The following HUNK variants were observed in gnomAD, a reference collection of about 807,000 sequenced individuals.
The protein encoded by HUNK is hormonally up-regulated neu tumor-associated kinase.
Under a neutral mutation model 61.0 loss-of-function variants are expected in HUNK, and 21 were observed. That is an observed-to-expected ratio of 0.34 (90% CI 0.24 to 0.50). HUNK has a LOEUF of 0.50. HUNK is among the 20% of genes least tolerant of loss of function. The pLI is 0.98. For synonymous variants in HUNK, 371 were observed against 386.1 expected (o/e 0.96, Z 0.46); for missense variants, 772 against 945.7 (o/e 0.82, Z 2.41).
At chr21:31,980,487 C>T (rs2053089414) in intron 7 of HUNK, among the ~76,000 whole-genome samples, 2 of 151,930 alleles carry the variant, frequency 1.3e-5, no homozygotes, top group South Asian at 4.1e-4. Flanking sequence ...AGCGATTCTC[C>T]TGCCTCAGCC....
chr21:31,892,569 G>GAAA (rs10562491), intron 1 of HUNK, among the ~76,000 whole-genome samples: 1 of 103,066 alleles, frequency 9.7e-6, no homozygotes, highest in Non-Finnish European at 1.9e-5. Flanking sequence ...GACTCTCTCT[G>GAAA]AAAAAAAAAA....
At chr21:31,981,416 CA>C (rs1261077354) in intron 7 of HUNK, among the ~76,000 whole-genome samples, 1 of 150,392 alleles carries the variant, frequency 6.6e-6, no homozygotes, top group African/African-American at 2.5e-5. Flanking sequence ...GGAATTTTGA[CA>C]GGGATTCCAT....
chr21:32,004,027 T>C lies in HUNK; in HGVS notation c.*4843T>C, dbSNP rs1255619224. 3 of 152,232 alleles carry C rather than the reference T, an allele frequency of 2.0e-5. No homozygotes were observed. The allele number at this position is 152,232 out of a possible 1,614,324, so 9.4% of individuals were successfully genotyped here. A position where few individuals can be genotyped will look rare whatever the true frequency, so the allele number is the denominator to read the frequency against. On this transcript the variant is annotated 3_prime_UTR_variant, in exon 11 of 11. Transcript: ENST00000270112. ...CTTAAAGATGGCACAGGAAGCTGTA[T>C]CATTTACAGGTGAAAAAAATAAATG...
chr21:31,902,065 C>G (rs2052471850), intron 1 of HUNK, among the ~76,000 whole-genome samples: 1 of 152,194 alleles, frequency 6.6e-6, no homozygotes, highest in South Asian at 2.1e-4. Context: ...AAACCTCCAA[C>G]TGGGACTAGT....
intron 9 of HUNK, among the ~76,000 whole-genome samples, chr21:31,995,407 C>T (rs1259467665): frequency 6.6e-6 from 1 of 152,210 alleles, no homozygotes; most frequent in African/African-American, 2.4e-5. Context: ...ATTGCAGGCA[C>T]AATCTTTAAA....
At position 31,974,677 on chromosome 21, in the gene HUNK, A is replaced by G; in HGVS notation, c.1133A>G (p.Tyr378Cys). Residue 378 changes from tyrosine to cysteine, a missense_variant, in exon 7 of 11, where the codon TAC becomes TGC. Tyr to Cys is a radical substitution (Grantham distance 194). This residue lies in a region of HUNK where 413 missense variants were observed against 444.4 expected (regional missense o/e 0.93). Transcript: ENST00000270112. ...SNRACHILAI[Y>C]FLLNKKLERY... ...CGCGCCTGCCACATCCTGGCCATCTACTTCCTCTTAAACAAGAAACTGGAG... is the reference window on the plus strand; with the variant it reads ...CGCGCCTGCCACATCCTGGCCATCTGCTTCCTCTTAAACAAGAAACTGGAG... The G allele has an allele frequency of 6.2e-7, 1 of 1,613,896 alleles. No homozygotes were observed.
chr21:31,999,409 A>T lies in HUNK; in HGVS notation c.*225A>T. Reference sequence around the variant, plus strand: ...GCTCCAGGGGCAGCCAATTCCTATCATTCAGATCTTCCTTCCTCCCAAGTA... The same window carrying T: ...GCTCCAGGGGCAGCCAATTCCTATCTTTCAGATCTTCCTTCCTCCCAAGTA... On this transcript the variant is annotated 3_prime_UTR_variant, in exon 11 of 11. Coordinates refer to ENST00000270112, the MANE Select transcript of HUNK (RefSeq NM_014586.2). 1 of 513,510 alleles carries T rather than the reference A, an allele frequency of 1.9e-6. No homozygotes were observed. The highest frequency in any genetic ancestry group is 3.5e-5 in the South Asian group (1 of 28,844). 31.8% of individuals were successfully genotyped at this position (513,510 alleles called of 1,614,324 possible).
At chr21:31,963,666 T>G (rs1456139029) in intron 5 of HUNK, among the ~76,000 whole-genome samples, 4 of 151,080 alleles carry the variant, frequency 2.6e-5, no homozygotes, top group Non-Finnish European at 5.9e-5. Context: ...CCAGCTAATT[T>G]TTTTTGGTGG....
At chr21:31,979,777 A>T in intron 7 of HUNK, among the ~76,000 whole-genome samples, 1 of 152,022 alleles carries the variant, frequency 6.6e-6, no homozygotes, top group African/African-American at 2.4e-5. Flanking sequence ...GGCCTCCCAA[A>T]GTGCTGGGAT....
At chr21:31,936,299 C>G (rs563569178) in intron 2 of HUNK, among the ~76,000 whole-genome samples, 1 of 152,248 alleles carries the variant, frequency 6.6e-6, no homozygotes, top group South Asian at 2.1e-4. Flanking sequence ...GATTTTAGTG[C>G]CTTTTGTCCT....
At chr21:31,931,830 C>T (rs1415250706) in intron 2 of HUNK, among the ~76,000 whole-genome samples, 1 of 152,134 alleles carries the variant, frequency 6.6e-6, no homozygotes, top group Non-Finnish European at 1.5e-5. Context: ...CTGGGCTGGG[C>T]ATGGTCTGTG....
chr21:31,988,411 C>T (rs2053148273), intron 8 of HUNK, among the ~76,000 whole-genome samples: 1 of 152,090 alleles, frequency 6.6e-6, no homozygotes, highest in Admixed American at 6.5e-5. Context: ...GTAATGTTGG[C>T]GTTTTGGAAG....
intron 5 of HUNK, among the ~76,000 whole-genome samples, chr21:31,959,330 G>A (rs1346475222): frequency 2.0e-5 from 3 of 152,120 alleles, no homozygotes; most frequent in African/African-American, 7.2e-5. Context: ...TGGAAAAGAG[G>A]GTTTATGGTC....
chr21:31,990,014 A>T, intron 8 of HUNK, 115 bp from the exon 9 acceptor site: 1 of 939,806 alleles, frequency 1.1e-6, no homozygotes. Flanking sequence ...CTTTCTGTCT[A>T]TGAAAACCGA....
At chr21:31,910,776 T>C (rs1337543890) in intron 1 of HUNK, among the ~76,000 whole-genome samples, 1 of 152,192 alleles carries the variant, frequency 6.6e-6, no homozygotes, top group Non-Finnish European at 1.5e-5. Context: ...CTCCTTCTGA[T>C]ACCAGAGTCC....
intron 2 of HUNK, among the ~76,000 whole-genome samples, chr21:31,936,659 T>C (rs143587980): frequency 3.8e-4 from 58 of 152,324 alleles, no homozygotes; most frequent in Non-Finnish European, 3.1e-4. Flanking sequence ...TTTTTCTCAG[T>C]TTGCCTAATA....
intron 5 of HUNK, among the ~76,000 whole-genome samples, chr21:31,964,043 C>T (rs1203712068): frequency 6.6e-6 from 1 of 152,170 alleles, no homozygotes; most frequent in African/African-American, 2.4e-5. Context: ...TTGTATGTCA[C>T]AGAGTAGCGA....
chr21:31,998,183 T>C (rs9975194), intron 10 of HUNK, among the ~76,000 whole-genome samples: 14,424 of 152,246 alleles, frequency 0.095, 956 homozygotes, highest in Non-Finnish European at 0.15. Flanking sequence ...CCTCCCAAAG[T>C]GCTGGGATCA....
intron 9 of HUNK, among the ~76,000 whole-genome samples, chr21:31,990,947 A>G (rs573737717): frequency 5.3e-5 from 8 of 152,320 alleles, no homozygotes; most frequent in Non-Finnish European, 1.2e-4. Context: ...ACCATCACAT[A>G]TGATCCTAAG....
Sources: allele counts gnomAD v4.1 joint callset (sites outside exome capture counted in the v4.1 genomes callset), GRCh38; gene constraint gnomAD v4.1.1; regional missense constraint gnomAD v4.1.1; transcripts MANE v1.5; gene names NCBI Gene and HGNC (gene_info 2026-07-23, HGNC 2026-07-21).